DDO: variants seen among roughly 807,000 people sequenced by gnomAD.
DDO encodes the protein D-aspartate oxidase, DDO.
DDO carries 16 observed loss-of-function variants against 16.8 expected under a neutral mutation model. The ratio of observed to expected loss-of-function variants is 0.95; its 90% CI spans 0.65 to 1.45. The LOEUF (loss-of-function observed/expected upper bound fraction) is 1.45. DDO is among the 40% of genes most tolerant of loss of function. The probability of loss-of-function intolerance (pLI) is 0.00; values close to 1 mark genes in which losing one functional copy is unlikely to be tolerated. For missense variants in DDO, 429 were observed against 420.3 expected (o/e 1.02, Z -0.18); for synonymous variants, 180 against 167.2 (o/e 1.08, Z -0.59).
rs1773726292 is a variant in DDO, at chr6:110,408,330, T to C, written c.281+4A>G. The C allele has an allele frequency of 6.2e-7, 1 of 1,613,514 alleles. No homozygotes were observed. The highest frequency in any genetic ancestry group is 8.5e-7 in the Non-Finnish European group (1 of 1,179,524). On this transcript the variant is annotated splice_donor_region_variant and intron_variant, in intron 3 of 4. Transcript: ENST00000368924. The stretch of plus-strand genomic sequence containing the variant: ...CTAAAATAACTTCAAATTTCTTCAC[T>C]TACCCTGATACCAAATGAACACCAG...
chr6:110,394,880 A>G lies in DDO; in HGVS notation c.459-1538T>C, dbSNP rs182763214. ...CAACTTTGAACAGTCGTCAATCACAATACATCTTAGAGGACCGATATCAAT... is the reference window on the plus strand; with the variant it reads ...CAACTTTGAACAGTCGTCAATCACAGTACATCTTAGAGGACCGATATCAAT... On this transcript the variant is annotated intron_variant, in intron 4 of 4. Transcript: ENST00000368924. Among the ~76,000 whole-genome samples the G allele has an allele frequency of 2.1e-3, 316 of 152,322 alleles. 1 individual carries two copies. The highest frequency in any genetic ancestry group is 3.4e-3 in the Non-Finnish European group (231 of 68,020).
intron 4 of DDO, among the ~76,000 whole-genome samples, chr6:110,395,487 C>A (rs1773261342): frequency 6.6e-6 from 1 of 151,920 alleles, no homozygotes; most frequent in Non-Finnish European, 1.5e-5. Context: ...TACAGGGTGG[C>A]AGAACTTTGG....
chr6:110,411,465 T>C (rs1001034900), intron 2 of DDO, among the ~76,000 whole-genome samples: 3 of 152,164 alleles, frequency 2.0e-5, no homozygotes, highest in Admixed American at 1.3e-4. Flanking sequence ...TATTAGTATC[T>C]TCATAAAGAT....
intron 4 of DDO, 129 bp from the exon 5 acceptor site, chr6:110,393,471 C>T: frequency 7.5e-7 from 1 of 1,341,270 alleles, no homozygotes; most frequent in South Asian, 2.0e-5. Flanking sequence ...CAGGAGCTTC[C>T]AGGGCCCAGT....
At chr6:110,403,500 A>G (rs559775550) in intron 4 of DDO, among the ~76,000 whole-genome samples, 1 of 152,208 alleles carries the variant, frequency 6.6e-6, no homozygotes, top group Non-Finnish European at 1.5e-5. Context: ...GCTGATGTAG[A>G]CAAGTCCAAA....
At chr6:110,404,665 A>G in intron 4 of DDO, 109 bp downstream of exon 4, 2 of 1,239,890 alleles carry the variant, frequency 1.6e-6, no homozygotes, top group Non-Finnish European at 2.3e-6. Context: ...GGCAACGCGA[A>G]AGAGCTCTGA....
intron 4 of DDO, among the ~76,000 whole-genome samples, chr6:110,397,683 T>TA (rs1773333643): frequency 6.6e-6 from 1 of 152,226 alleles, no homozygotes; most frequent in Non-Finnish European, 1.5e-5. Flanking sequence ...AAGCTACTGA[T>TA]AAAAGTCCAA....
chr6:110,408,543 G>A, intron 2 of DDO, 101 bp from the exon 3 acceptor site: 1 of 1,022,368 alleles, frequency 9.8e-7, no homozygotes, highest in Admixed American at 2.5e-5. Flanking sequence ...AAAAAATAAG[G>A]AGGCAAAAAT....
intron 1 of DDO, 50 bp from the exon 2 acceptor site, chr6:110,413,516 A>G: frequency 6.3e-7 from 1 of 1,582,698 alleles, no homozygotes; most frequent in Non-Finnish European, 8.6e-7. Context: ...GGATTTTCCC[A>G]TCCAGACAAA....
At chr6:110,413,239 A>G (rs537014785) in intron 2 of DDO, 52 bp downstream of exon 2, 2 of 1,578,054 alleles carry the variant, frequency 1.3e-6, no homozygotes, top group African/African-American at 1.3e-5. Context: ...TTCCACTAAC[A>G]TCATTCTATC....
rs1562257419 is a variant in DDO, at chr6:110,393,256, C to G, written c.545G>C (p.Cys182Ser). The part of the protein sequence containing the change: ...LHPSFDIVVN[C>S]SGLGSRQLAG... Reference sequence around the variant, plus strand: ...AAGCTGTCTGCTTCCAAGGCCTGAACAGTTGACCACGATGTCAAAGGACGG... The same window carrying G: ...AAGCTGTCTGCTTCCAAGGCCTGAAGAGTTGACCACGATGTCAAAGGACGG... The change falls in exon 5 of 5, where the codon TGT becomes TCT. Residue 182 changes from cysteine (C) to serine (S), a missense_variant. By Grantham distance (112) the Cys-to-Ser change is moderately radical. Transcript: ENST00000368924. 1.2e-6 allele frequency: 2 copies of G among 1,614,212 alleles called. No individual in the cohort carries two copies. The highest frequency in any genetic ancestry group is 2.2e-5 in the East Asian group (1 of 44,876).
chr6:110,395,201 G>A (rs534698762), intron 4 of DDO, among the ~76,000 whole-genome samples: 21 of 152,306 alleles, frequency 1.4e-4, no homozygotes, highest in Non-Finnish European at 2.5e-4. Context: ...TTTAATGTGG[G>A]TAGGCCTCAT....
chr6:110,408,298 C>T, intron 3 of DDO, 36 bp downstream of exon 3: 2 of 1,583,972 alleles, frequency 1.3e-6, no homozygotes, highest in South Asian at 1.1e-5. Flanking sequence ...TAAGATCATG[C>T]TACACTCTAA....
At chr6:110,397,803 C>G (rs1353671662) in intron 4 of DDO, among the ~76,000 whole-genome samples, 1 of 152,154 alleles carries the variant, frequency 6.6e-6, no homozygotes, top group East Asian at 1.9e-4. Flanking sequence ...CTAAATGTGC[C>G]TGGAGACTGG....
At position 110,404,882 on chromosome 6, in the gene DDO, C is replaced by T. The variant is rs371549796; in HGVS notation, c.350G>A (p.Arg117Gln). ...PFWADVVLGF[R>Q]KMTEAELKKF... ...CTTCAGCTCAGCCTCAGTCATCTTTCGAAATCCCAGAACCACGTCAGCCCA... is the reference window on the plus strand; with the variant it reads ...CTTCAGCTCAGCCTCAGTCATCTTTTGAAATCCCAGAACCACGTCAGCCCA... The change falls in exon 4 of 5, where the codon CGA becomes CAA. Residue 117 changes from arginine (R) to glutamine (Q), a missense_variant. Transcript: ENST00000368924. The T allele has an allele frequency of 1.4e-5, 22 of 1,614,032 alleles. No individual in the cohort carries two copies. The highest frequency in any genetic ancestry group is 2.2e-5 in the East Asian group (1 of 44,900).
intron 2 of DDO, among the ~76,000 whole-genome samples, chr6:110,410,023 C>G (rs1298750388): frequency 6.6e-6 from 1 of 152,118 alleles, no homozygotes; most frequent in Non-Finnish European, 1.5e-5. Context: ...AGGTACTGTT[C>G]TAAATGCTTT....
At chr6:110,408,253 T>C in intron 3 of DDO, 81 bp downstream of exon 3, 1 of 1,320,862 alleles carries the variant, frequency 7.6e-7, no homozygotes, top group Non-Finnish European at 1.1e-6. Context: ...CAACAGCTAC[T>C]CAGTAAATAT....
At chr6:110,398,657 A>T (rs770656368) in intron 4 of DDO, among the ~76,000 whole-genome samples, 9 of 152,156 alleles carry the variant, frequency 5.9e-5, no homozygotes, top group Non-Finnish European at 8.8e-5. Context: ...GGGGCTAATG[A>T]TGGTGCTGAG....
Position 110,392,003 on chromosome 6 carries a change from T to C in DDO, c.*772A>G, listed in dbSNP as rs573439135. On this transcript the variant is annotated 3_prime_UTR_variant, in exon 5 of 5. Coordinates refer to ENST00000368924, the MANE Select transcript of DDO (RefSeq NM_001372108.2). ...ACCAGCTCTCAATCATTTACAGTAATGGAATGTACAACCCCTAGGTGTTTG... is the reference window on the plus strand; with the variant it reads ...ACCAGCTCTCAATCATTTACAGTAACGGAATGTACAACCCCTAGGTGTTTG... The C allele has an allele frequency of 5.7e-6, 1 of 176,732 alleles. No individual in the cohort carries two copies. The highest frequency in any genetic ancestry group is 2.4e-5 in the African/African-American group (1 of 41,980). 10.9% of individuals were successfully genotyped at this position (176,732 alleles called of 1,614,324 possible). A position where few individuals can be genotyped will look rare whatever the true frequency, so the allele number is the denominator to read the frequency against.
Sources: gnomAD v4.1 joint callset for allele counts (sites outside exome capture counted in the v4.1 genomes callset) on GRCh38, gnomAD v4.1.1 for gene constraint, MANE v1.5 for transcripts, NCBI Gene and HGNC (gene_info 2026-07-23, HGNC 2026-07-21) for gene names.